Variants in MPP7 observed in about 807,000 individuals in gnomAD.
MPP7 encodes MAGUK p55 scaffold protein 7, also known as MAGUK p55 subfamily member 7.
MPP7 carries 60 observed loss-of-function variants against 76.5 expected under a neutral mutation model. The observed-to-expected ratio is 0.78, with a 90% CI of 0.64 to 0.97. The LOEUF is 0.97. Ranked by LOEUF, MPP7 falls within the 50% of genes least tolerant of loss-of-function variation. The probability of loss-of-function intolerance (pLI) is 0.00; values close to 1 mark genes in which losing one functional copy is unlikely to be tolerated. For missense variants in MPP7, 641 were observed against 694.0 expected, an observed-to-expected ratio of 0.92 and a Z score of 0.86; for synonymous variants, 237 against 244.5, an observed-to-expected ratio of 0.97 and a Z score of 0.29.
chr10:28,133,955 T>C (rs1327969359), intron 5 of MPP7, among the ~76,000 whole-genome samples: 1 of 152,214 alleles, frequency 6.6e-6, no homozygotes, highest in East Asian at 1.9e-4. Flanking sequence ...TTACCCATTA[T>C]GCCTTTGAGG....
At position 28,312,293 on chromosome 10, in the gene MPP7, T is replaced by A. The variant is rs180980967; in HGVS notation, c.-132+17636A>T. On this transcript the variant is annotated intron_variant, in intron 2 of 11. Coordinates refer to the MPP7 transcript ENST00000441595. Reference sequence around the variant, plus strand: ...TTTAGACTCCTGCTGATTGGTTGTGTTTTACAGAGCACTGATTGGTGCATT... The same window carrying A: ...TTTAGACTCCTGCTGATTGGTTGTGATTTACAGAGCACTGATTGGTGCATT... Among the ~76,000 whole-genome samples, 237 of 152,286 alleles carry A rather than the reference T, an allele frequency of 1.6e-3. 2 individuals carry two copies. Among genetic ancestry groups the A allele is most frequent in the Middle Eastern group, 0.014 (4 of 294 alleles).
intron 5 of MPP7, among the ~76,000 whole-genome samples, chr10:28,143,316 C>T (rs1258194004): frequency 3.9e-5 from 6 of 152,102 alleles, no homozygotes; most frequent in African/African-American, 1.2e-4. Flanking sequence ...AAAGCAATGA[C>T]GATAGGGGCT....
intron 7 of MPP7, among the ~76,000 whole-genome samples, chr10:28,124,671 G>C (rs1424630269): frequency 2.0e-5 from 3 of 149,834 alleles, no homozygotes; most frequent in Non-Finnish European, 4.4e-5. Context: ...TTTTAGTAGA[G>C]ACAGGGTTTC....
At chr10:28,204,070 A>AC (rs1837868475) in intron 2 of MPP7, among the ~76,000 whole-genome samples, 1 of 152,248 alleles carries the variant, frequency 6.6e-6, no homozygotes, top group Non-Finnish European at 1.5e-5. Flanking sequence ...GTCTACACTT[A>AC]GAGCATTTCA....
rs949135879 is a variant in MPP7, at chr10:28,109,262, T to C, written c.952+10389A>G. The stretch of plus-strand genomic sequence containing the variant: ...GAGACTGTGCCACTGCACTCCAACC[T>C]GGGCAACAGAGTGAGACTCCATCTC... On this transcript the variant is annotated intron_variant, in intron 11 of 16. Coordinates refer to ENST00000683449, the MANE Select transcript of MPP7 (RefSeq NM_001318170.2). 1.6e-4 allele frequency among the ~76,000 whole-genome samples: 24 copies of C among 152,210 alleles called. 1 individual carries two copies. Among genetic ancestry groups the C allele is most frequent in the Middle Eastern group, 3.4e-3 (1 of 294 alleles).
At chr10:28,087,838 G>GC (rs1853094442) in intron 12 of MPP7, among the ~76,000 whole-genome samples, 1 of 152,162 alleles carries the variant, frequency 6.6e-6, no homozygotes, top group African/African-American at 2.4e-5. Flanking sequence ...GAGGTCTCAG[G>GC]TAGCCCCATT....
chr10:28,132,887 T>C (rs1314624042), intron 5 of MPP7, among the ~76,000 whole-genome samples: 17 of 141,574 alleles, frequency 1.2e-4, no homozygotes, highest in African/African-American at 3.7e-4. Context: ...CATGAGCCAC[T>C]GCACCTAGTG....
intron 1 of MPP7, among the ~76,000 whole-genome samples, chr10:28,246,052 A>G (rs561182689): frequency 2.0e-5 from 3 of 152,260 alleles, no homozygotes; most frequent in Non-Finnish European, 4.4e-5. Context: ...AGAAAGGGAC[A>G]TGGCTGAAAA....
intron 13 of MPP7, among the ~76,000 whole-genome samples, chr10:28,061,014 A>G (rs1851763250): frequency 6.6e-6 from 1 of 152,238 alleles, no homozygotes; most frequent in Non-Finnish European, 1.5e-5. Flanking sequence ...TCAATATAAC[A>G]AAGGTGAGAT....
intron 3 of MPP7, among the ~76,000 whole-genome samples, chr10:28,188,438 TC>T (rs1461397395): frequency 6.6e-5 from 10 of 152,148 alleles, no homozygotes; most frequent in African/African-American, 2.4e-4. Flanking sequence ...TCATGGCACT[TC>T]CAAGTCGCAT....
intron 15 of MPP7, chr10:28,057,739 C>G: frequency 6.3e-6 from 8 of 1,278,040 alleles, no homozygotes; most frequent in Non-Finnish European, 8.1e-6. Flanking sequence ...AACACTTTTA[C>G]TCCAGATTCA....
Position 28,149,970 on chromosome 10 carries a change from A to T in MPP7, c.234+12T>A. On this transcript the variant is annotated intron_variant, in intron 4 of 16. Coordinates refer to ENST00000683449, the MANE Select transcript of MPP7 (RefSeq NM_001318170.2). ...CAGACACATCCCAGTGAGCTCGGAG[A>T]GTCACACTTACATCATCGGCCAAGG... is the stretch of plus-strand genomic sequence containing the variant. The T allele has an allele frequency of 6.2e-7, 1 of 1,609,446 alleles. No homozygotes were observed. The highest frequency in any genetic ancestry group is 8.5e-7 in the Non-Finnish European group (1 of 1,176,896).
At chr10:28,197,917 T>A (rs548656756) in intron 3 of MPP7, among the ~76,000 whole-genome samples, 1 of 152,140 alleles carries the variant, frequency 6.6e-6, no homozygotes, top group South Asian at 2.1e-4. Flanking sequence ...CCCCCAAAAT[T>A]AAAAAATATG....
chr10:28,066,334 T>C (rs930304921), intron 13 of MPP7, among the ~76,000 whole-genome samples: 1 of 152,226 alleles, frequency 6.6e-6, no homozygotes, highest in Admixed American at 6.5e-5. Context: ...AAACATTTCA[T>C]ATAGCTCATT....
At chr10:28,283,807 G>A (rs753844070) in intron 1 of MPP7, among the ~76,000 whole-genome samples, 4 of 152,120 alleles carry the variant, frequency 2.6e-5, no homozygotes, top group Non-Finnish European at 2.9e-5. Flanking sequence ...GAGCCGTCAC[G>A]CCCAGCCCCC....
chr10:28,057,700 A>AGG, intron 15 of MPP7: 1 of 1,279,582 alleles, frequency 7.8e-7, no homozygotes, highest in Non-Finnish European at 1.0e-6. Context: ...ACAGTGCCCA[A>AGG]GTCAGGAGGC....
At chr10:28,179,657 T>C (rs1254723655) in intron 3 of MPP7, among the ~76,000 whole-genome samples, 1 of 152,228 alleles carries the variant, frequency 6.6e-6, no homozygotes. Context: ...CTAAATTCTT[T>C]AAGCTAGGTC....
At chr10:28,099,444 G>T (rs1168563778) in intron 11 of MPP7, among the ~76,000 whole-genome samples, 1 of 152,132 alleles carries the variant, frequency 6.6e-6, no homozygotes, top group African/African-American at 2.4e-5. Flanking sequence ...GATAGCATGG[G>T]AAAAGAGGTC....
intron 3 of MPP7, among the ~76,000 whole-genome samples, chr10:28,168,469 AT>A (rs1211097817): frequency 1.3e-5 from 2 of 151,834 alleles, no homozygotes; most frequent in Non-Finnish European, 2.9e-5. Context: ...ATGTGGTAAA[AT>A]TTTCACACCA....
Sources: gnomAD v4.1 joint callset for allele counts (sites outside exome capture counted in the v4.1 genomes callset) on GRCh38, gnomAD v4.1.1 for gene constraint, MANE v1.5 for transcripts, NCBI Gene and HGNC (gene_info 2026-07-23, HGNC 2026-07-21) for gene names.